Variants in WDR37 observed in about 807,000 individuals in gnomAD.
WDR37 encodes WD repeat-containing protein 37.
In WDR37, 19 loss-of-function variants were observed where a neutral mutation model predicts 62.9. The ratio of observed to expected loss-of-function variants is 0.30; its 90% CI spans 0.21 to 0.44. The LOEUF (loss-of-function observed/expected upper bound fraction) is 0.44, where lower values mean the gene tolerates loss of function less well. WDR37 is among the 20% of genes least tolerant of loss of function. The pLI, the probability that WDR37 is intolerant of heterozygous loss-of-function variation, is 1.00. For missense variants in WDR37, 474 were observed against 657.6 expected, an observed-to-expected ratio of 0.72 and a Z score of 3.05; for synonymous variants, 250 against 260.9, an observed-to-expected ratio of 0.96 and a Z score of 0.40.
chr10:1,070,823 G>A (rs1589080123), intron 1 of WDR37, among the ~76,000 whole-genome samples: 2 of 152,332 alleles, frequency 1.3e-5, no homozygotes, highest in East Asian at 3.9e-4. Flanking sequence ...GGGAACGCTA[G>A]TGATTTTAAA....
chr10:1,129,063 G>A, intron 13 of WDR37, 150 bp from the exon 14 acceptor site: 1 of 1,092,264 alleles, frequency 9.2e-7, no homozygotes, highest in Non-Finnish European at 1.3e-6. Context: ...GGTGGTCCGT[G>A]CTCGGTGGTC....
At chr10:1,101,701 G>GAGCTGTTCCCGAATTTGCCTCCCGT (rs1335756189) in intron 9 of WDR37, among the ~76,000 whole-genome samples, 56 of 152,190 alleles carry the variant, frequency 3.7e-4, no homozygotes, top group Admixed American at 2.8e-3. Flanking sequence ...GGGATTACAG[G>GAGCTGTTCCCGAATTTGCCTCCCGT]AGCTGTTCCC....
chr10:1,095,123 GGA>G (rs1462026381), intron 8 of WDR37, among the ~76,000 whole-genome samples: 2 of 148,306 alleles, frequency 1.3e-5, no homozygotes, highest in Non-Finnish European at 3.0e-5. Context: ...TAATGGGCAT[GGA>G]GAGAGGAGGG....
In WDR37 at chr10:1,074,573, C is replaced by T. The variant is rs537415468; in HGVS notation, c.138+2280C>T. The stretch of plus-strand genomic sequence containing the variant: ...CTGGGCGGGAGAGGTGAGTGGCCCC[C>T]GTGAGGTGCTCTGCCTTCCCCCTGC... On this transcript the variant is annotated intron_variant, in intron 2 of 13. Transcript: ENST00000263150. 50 of 1,282,976 alleles carry T rather than the reference C, an allele frequency of 3.9e-5. No homozygotes were observed. In the South Asian group the frequency reaches 5.0e-4, roughly 13 times the overall value. The allele number at this position is 1,282,976 out of a possible 1,614,324, so 79.5% of individuals were successfully genotyped here.
rs1212136887 is a variant in WDR37, at chr10:1,129,205, A to G, written c.1354-8A>G. ...TGCACTGATTTTGGTTTGTTTGATC[A>G]TCACTAGGGCCACAGGAGAATGGTA... On this transcript the variant is annotated splice_polypyrimidine_tract_variant and splice_region_variant and intron_variant, in intron 13 of 13. Coordinates refer to ENST00000263150, the MANE Select transcript of WDR37 (RefSeq NM_014023.4). 1.9e-6 allele frequency: 3 copies of G among 1,610,652 alleles called. No individual in the cohort carries two copies. Among genetic ancestry groups the G allele is most frequent in the South Asian group, 2.2e-5 (2 of 90,710 alleles).
At chr10:1,075,452 G>T in intron 2 of WDR37, among the ~76,000 whole-genome samples, 1 of 116,668 alleles carries the variant, frequency 8.6e-6, no homozygotes, top group South Asian at 3.2e-4. Flanking sequence ...GCCCCGACAG[G>T]CCCCGGTGTG....
chr10:1,093,473 C>G lies in WDR37; in HGVS notation c.626C>G (p.Pro209Arg). The change falls in exon 8 of 14, where the codon CCC becomes CGC. Residue 209 changes from proline to arginine, a missense_variant. Pro to Arg is a moderately radical substitution (Grantham distance 103). Coordinates refer to ENST00000263150, the MANE Select transcript of WDR37 (RefSeq NM_014023.4). ...GCAGTAAATTCTATCAAATTTCATC[C>G]CTCAGAGCAGTTGGCTCTCACTGGT... ...VGSVNSIKFH[P>R]SEQLALTASG... 6.2e-7 allele frequency: 1 copy of G among 1,609,628 alleles called. No individual in the cohort carries two copies. Among genetic ancestry groups the G allele is most frequent in the Non-Finnish European group, 8.5e-7 (1 of 1,178,542 alleles).
rs1382005539 is a variant in WDR37 at position 1,121,502 on chromosome 10, T to A, written c.1104-2716T>A. Among the ~76,000 whole-genome samples the A allele has an allele frequency of 6.6e-6, 1 of 152,150 alleles. No individual in the cohort carries two copies. The highest frequency in any genetic ancestry group is 6.5e-5 in the Admixed American group (1 of 15,274). On this transcript the variant is annotated intron_variant, in intron 11 of 13. Coordinates refer to ENST00000263150, the MANE Select transcript of WDR37 (RefSeq NM_014023.4). This position sits in a 1 kb window ranked among gnomAD's most constrained non-coding sequence, Gnocchi z 4.5. Reference sequence around the variant, plus strand: ...TGAAGACTCTGGAGGAGTTACTGGGTTGATTTTGCAGTCTCTCTCCTCTGC... The same window carrying A: ...TGAAGACTCTGGAGGAGTTACTGGGATGATTTTGCAGTCTCTCTCCTCTGC...
chr10:1,066,505 TAATA>T, intron 1 of WDR37, among the ~76,000 whole-genome samples: 1 of 152,340 alleles, frequency 6.6e-6, no homozygotes, highest in Non-Finnish European at 1.5e-5. Context: ...AGACTCAGCA[TAATA>T]AATATACCAT....
rs544828661 is a variant in WDR37 at position 1,121,792 on chromosome 10, C to G, written c.1104-2426C>G. Among the ~76,000 whole-genome samples, 348 of 152,218 alleles carry G rather than the reference C, an allele frequency of 2.3e-3. 2 individuals are homozygous for G. The highest frequency in any genetic ancestry group is 8.1e-3 in the African/African-American group (336 of 41,522). ...AGCGGGGGAATAAGTGTCAGCAATC[C>G]ACACCGCAGCTGTGGGCACCACGAC... is the stretch of plus-strand genomic sequence containing the variant. On this transcript the variant is annotated intron_variant, in intron 11 of 13. Transcript: ENST00000263150. The surrounding 1 kb of genome is among the most constrained non-coding windows in gnomAD (Gnocchi z 4.5).
At chr10:1,086,569 T>C (rs902624979) in intron 7 of WDR37, among the ~76,000 whole-genome samples, 1 of 152,246 alleles carries the variant, frequency 6.6e-6, no homozygotes, top group Non-Finnish European at 1.5e-5. Context: ...CCCTAAACAA[T>C]GTACATATCA....
chr10:1,125,223 T>G, intron 13 of WDR37, 199 bp downstream of exon 13: 1 of 575,474 alleles, frequency 1.7e-6, no homozygotes, highest in Non-Finnish European at 2.2e-6. Context: ...ACTTCAGTGT[T>G]TTTTTTTTTT....
chr10:1,063,046 A>G (rs1035433456), intron 1 of WDR37, among the ~76,000 whole-genome samples: 2 of 151,460 alleles, frequency 1.3e-5, no homozygotes, highest in Non-Finnish European at 2.9e-5. Flanking sequence ...AGATTGTGCC[A>G]TTGCACTCCA....
At chr10:1,058,471 T>C (rs1482820252) in intron 1 of WDR37, among the ~76,000 whole-genome samples, 1 of 152,252 alleles carries the variant, frequency 6.6e-6, no homozygotes, top group African/African-American at 2.4e-5. Flanking sequence ...GAAACTAAGA[T>C]AGAGTTTTCA....
intron 11 of WDR37, among the ~76,000 whole-genome samples, chr10:1,115,498 T>C (rs1835362787): frequency 6.6e-6 from 1 of 152,224 alleles, no homozygotes; most frequent in African/African-American, 2.4e-5. Context: ...GTTTTGCAGC[T>C]TGTGTCATGG....
rs1367116556 is a variant in WDR37, at chr10:1,121,646, T to G, written c.1104-2572T>G. ...CAGTTTCCCCCCAGGAGACAGTGTT[T>G]GTTGTCACCCCTGGGGAGGGGTCTG... On this transcript the variant is annotated intron_variant, in intron 11 of 13. Transcript: ENST00000263150. This position sits in a 1 kb window ranked among gnomAD's most constrained non-coding sequence, Gnocchi z 4.5. Among the ~76,000 whole-genome samples the G allele has an allele frequency of 6.6e-6, 1 of 152,134 alleles. No individual in the cohort carries two copies. The highest frequency in any genetic ancestry group is 1.5e-5 in the Non-Finnish European group (1 of 68,024).
At chr10:1,067,788 A>G (rs949613735) in intron 1 of WDR37, among the ~76,000 whole-genome samples, 1 of 152,232 alleles carries the variant, frequency 6.6e-6, no homozygotes, top group Non-Finnish European at 1.5e-5. Context: ...AGCACTGTTC[A>G]CAATAGCAAA....
At chr10:1,114,087 G>A (rs1343328397) in intron 11 of WDR37, among the ~76,000 whole-genome samples, 1 of 150,618 alleles carries the variant, frequency 6.6e-6, no homozygotes, top group African/African-American at 2.4e-5. Flanking sequence ...CTCCCGAGTA[G>A]CTGGGATTAC....
At chr10:1,122,191 G>A (rs568224334) in intron 11 of WDR37, among the ~76,000 whole-genome samples, 1 of 152,246 alleles carries the variant, frequency 6.6e-6, no homozygotes, top group African/African-American at 2.4e-5. Flanking sequence ...ACTGGACCTC[G>A]ATGAGGGTAG....
Sources: allele counts gnomAD v4.1 joint callset (sites outside exome capture counted in the v4.1 genomes callset), GRCh38; gene constraint gnomAD v4.1.1; non-coding constraint Gnocchi (gnomAD v3.1); transcripts MANE v1.5; gene names NCBI Gene and HGNC (gene_info 2026-07-23, HGNC 2026-07-21).